The following PALLD variants were observed in gnomAD, a reference collection of about 807,000 sequenced individuals.
PALLD encodes palladin.
In PALLD, 61 loss-of-function variants were observed where a neutral mutation model predicts 123.5. The ratio of observed to expected loss-of-function variants is 0.49; its 90% CI spans 0.40 to 0.61. The LOEUF (loss-of-function observed/expected upper bound fraction) is 0.61, where lower values mean the gene tolerates loss of function less well. Ranked by LOEUF, PALLD falls within the 20% of genes least tolerant of loss-of-function variation. PALLD has a pLI of 0.00. For missense variants in PALLD, 1,273 were observed against 1,377.0 expected (o/e 0.92, Z 1.20); for synonymous variants, 465 against 496.4 (o/e 0.94, Z 0.84).
intron 2 of PALLD, among the ~76,000 whole-genome samples, chr4:168,554,037 C>T (rs1360519205): frequency 6.6e-6 from 1 of 152,144 alleles, no homozygotes; most frequent in Non-Finnish European, 1.5e-5. Flanking sequence ...CATGTCTGTC[C>T]AGCCCCCACT....
intron 10 of PALLD, among the ~76,000 whole-genome samples, chr4:168,733,307 A>G (rs982254686): frequency 2.6e-5 from 4 of 152,198 alleles, no homozygotes; most frequent in Admixed American, 2.6e-4. Flanking sequence ...TAACCTTTAA[A>G]TAAAAATATT....
At chr4:168,893,060 CTG>C (rs917991627) in intron 11 of PALLD, among the ~76,000 whole-genome samples, 6 of 152,184 alleles carry the variant, frequency 3.9e-5, no homozygotes, top group Admixed American at 1.3e-4. Flanking sequence ...AGAAAAAAAA[CTG>C]TGAAGTATAT....
At chr4:168,755,152 G>A (rs111493606) in intron 10 of PALLD, among the ~76,000 whole-genome samples, 4 of 151,264 alleles carry the variant, frequency 2.6e-5, no homozygotes, top group Non-Finnish European at 5.9e-5. Context: ...AGAATGGCAT[G>A]AGCCTGGGAG....
chr4:168,641,947 G>T (rs1776998338), intron 2 of PALLD, among the ~76,000 whole-genome samples: 1 of 152,190 alleles, frequency 6.6e-6, no homozygotes, highest in Non-Finnish European at 1.5e-5. Context: ...CTAGGGAATG[G>T]ACAGCGCAAT....
At chr4:168,745,650 G>A (rs899436977) in intron 10 of PALLD, among the ~76,000 whole-genome samples, 2 of 152,118 alleles carry the variant, frequency 1.3e-5, no homozygotes, top group African/African-American at 4.8e-5. Flanking sequence ...AGTGTGTTAG[G>A]AAGTATGTGT....
intron 10 of PALLD, among the ~76,000 whole-genome samples, chr4:168,720,869 A>G (rs1785942949): frequency 6.6e-6 from 1 of 152,230 alleles, no homozygotes; most frequent in Non-Finnish European, 1.5e-5. Context: ...TTAACTAAGT[A>G]ATAACATTTA....
intron 2 of PALLD, among the ~76,000 whole-genome samples, chr4:168,660,624 G>A (rs1233153373): frequency 6.6e-6 from 1 of 151,864 alleles, no homozygotes; most frequent in African/African-American, 2.4e-5. Flanking sequence ...GTATGTGTAC[G>A]TATACATATT....
intron 10 of PALLD, among the ~76,000 whole-genome samples, chr4:168,746,825 G>A (rs968605897): frequency 6.6e-6 from 1 of 152,118 alleles, no homozygotes; most frequent in Non-Finnish European, 1.5e-5. Context: ...TATCAAAAGG[G>A]GTTGAGACAA....
chr4:168,672,258 A>G (rs1175737884), intron 3 of PALLD, among the ~76,000 whole-genome samples: 1 of 152,182 alleles, frequency 6.6e-6, no homozygotes, highest in African/African-American at 2.4e-5. Flanking sequence ...AACACTCAAT[A>G]TCCTCCTTCT....
intron 10 of PALLD, among the ~76,000 whole-genome samples, chr4:168,745,782 T>C (rs757725902): frequency 4.0e-5 from 6 of 151,526 alleles, no homozygotes; most frequent in Non-Finnish European, 7.3e-5. Flanking sequence ...GTGGAAAAAC[T>C]ACCTGCGCTA....
At position 168,525,987 on chromosome 4, in the gene PALLD, T is replaced by C. The variant is rs72980783; in HGVS notation, c.908+13575T>C. Among the ~76,000 whole-genome samples the C allele has an allele frequency of 6.4e-3, 968 of 152,312 alleles. 16 individuals are homozygous for C. Among genetic ancestry groups the C allele is most frequent in the African/African-American group, 0.022 (917 of 41,566 alleles). On this transcript the variant is annotated intron_variant, in intron 2 of 21. Coordinates refer to ENST00000505667, the MANE Select transcript of PALLD (RefSeq NM_001166108.2). ...ATTTTAAAATTTTATACTGATCTAG[T>C]CCCTTTCACCTGCAAATCTTAAAAT...
chr4:168,564,653 C>A (rs921103239), intron 2 of PALLD, among the ~76,000 whole-genome samples: 2 of 152,052 alleles, frequency 1.3e-5, no homozygotes, highest in South Asian at 2.1e-4. Flanking sequence ...GGGGGCTAAA[C>A]CTATGGTAAT....
intron 2 of PALLD, among the ~76,000 whole-genome samples, chr4:168,594,517 T>C (rs1210246068): frequency 6.6e-6 from 1 of 152,150 alleles, no homozygotes; most frequent in Non-Finnish European, 1.5e-5. Context: ...TTTCAGAACC[T>C]TGTATAGAGC....
At chr4:168,763,840 C>T (rs1260176940) in intron 10 of PALLD, among the ~76,000 whole-genome samples, 1 of 152,138 alleles carries the variant, frequency 6.6e-6, no homozygotes, top group African/African-American at 2.4e-5. Flanking sequence ...GTGACCAGGC[C>T]TCCCACAGAC....
chr4:168,803,084 A>C (rs1390487893), intron 10 of PALLD, among the ~76,000 whole-genome samples: 1 of 152,204 alleles, frequency 6.6e-6, no homozygotes, highest in Admixed American at 6.5e-5. Flanking sequence ...TTGAATCTCA[A>C]ATGTATTAGT....
intron 8 of PALLD, among the ~76,000 whole-genome samples, chr4:168,705,276 A>G (rs1285092492): frequency 1.3e-5 from 2 of 152,224 alleles, no homozygotes; most frequent in Admixed American, 6.5e-5. Flanking sequence ...ATAAGATTAC[A>G]GGAAACTCAA....
At chr4:168,726,552 T>A (rs1430497881) in intron 10 of PALLD, among the ~76,000 whole-genome samples, 4 of 151,508 alleles carry the variant, frequency 2.6e-5, no homozygotes, top group Non-Finnish European at 1.5e-5. Context: ...CTGGCTAATT[T>A]TTTTCTTTTT....
intron 10 of PALLD, among the ~76,000 whole-genome samples, chr4:168,714,427 A>C (rs547818402): frequency 2.9e-4 from 44 of 152,312 alleles, no homozygotes; most frequent in African/African-American, 1.0e-3. Flanking sequence ...GTGTTCTCAA[A>C]GTTGTATTAT....
intron 10 of PALLD, among the ~76,000 whole-genome samples, chr4:168,758,170 G>T (rs1432833860): frequency 6.7e-6 from 1 of 150,364 alleles, no homozygotes; most frequent in Non-Finnish European, 1.5e-5. Context: ...AGCATGGTTG[G>T]CCCAGCTATC....
Sources: allele counts gnomAD v4.1 joint callset (sites outside exome capture counted in the v4.1 genomes callset), GRCh38; gene constraint gnomAD v4.1.1; transcripts MANE v1.5; gene names NCBI Gene and HGNC (gene_info 2026-07-23, HGNC 2026-07-21).